VPS13B: variants seen among roughly 807,000 people sequenced by gnomAD.
VPS13B encodes intermembrane lipid transfer protein VPS13B.
A neutral mutation model predicts 426.4 loss-of-function variants in VPS13B; 285 were observed. That is an observed-to-expected ratio of 0.67 (90% CI 0.61 to 0.74). The LOEUF is 0.74. Among genes scored for constraint, VPS13B ranks in the 30% least tolerant of loss-of-function variants. The pLI, the probability that VPS13B is intolerant of heterozygous loss-of-function variation, is 0.00. For synonymous variants in VPS13B, 1,676 were observed against 1,676.4 expected (o/e 1.00, Z 0.01); for missense variants, 4,537 against 4,782.6 (o/e 0.95, Z 1.51).
intron 33 of VPS13B, chr8:99,613,968 T>G (rs1388840870): frequency 6.6e-6 from 1 of 152,174 alleles, no homozygotes; most frequent in Non-Finnish European, 1.5e-5. Flanking sequence ...CTGAACTTAG[T>G]GTAGACACCC....
intron 16 of VPS13B, among the ~76,000 whole-genome samples, chr8:99,171,344 GAT>G (rs1265402726): frequency 1.3e-5 from 2 of 151,946 alleles, no homozygotes; most frequent in African/African-American, 4.8e-5. Flanking sequence ...TTGATATGGT[GAT>G]ATCAATTTTA....
chr8:99,403,333 G>A (rs1352213907), intron 21 of VPS13B, among the ~76,000 whole-genome samples: 1 of 152,080 alleles, frequency 6.6e-6, no homozygotes, highest in Non-Finnish European at 1.5e-5. Flanking sequence ...CAGATCACCT[G>A]AGGCCAGGAG....
At chr8:99,262,286 T>A (rs1392884721) in intron 17 of VPS13B, among the ~76,000 whole-genome samples, 1 of 152,218 alleles carries the variant, frequency 6.6e-6, no homozygotes, top group Non-Finnish European at 1.5e-5. Context: ...ATATTTTGAC[T>A]TAACCCTAGA....
At chr8:99,508,601 G>A (rs151296273) in intron 28 of VPS13B, among the ~76,000 whole-genome samples, 3 of 152,172 alleles carry the variant, frequency 2.0e-5, no homozygotes, top group Admixed American at 1.3e-4. Flanking sequence ...TGTGACTTTT[G>A]TGTTGGAGGA....
chr8:99,725,152 CTACT>C (rs1209773403), intron 39 of VPS13B, among the ~76,000 whole-genome samples: 3 of 152,200 alleles, frequency 2.0e-5, no homozygotes, highest in African/African-American at 7.2e-5. Context: ...CTTCATGGTA[CTACT>C]TTTATGCTAT....
intron 23 of VPS13B, among the ~76,000 whole-genome samples, chr8:99,449,094 C>A (rs1164783572): frequency 3.3e-5 from 5 of 151,986 alleles, no homozygotes; most frequent in Middle Eastern, 3.2e-3. Context: ...GCCATTATAG[C>A]TTAGAAGAAA....
chr8:99,120,343 C>G (rs1847878999), intron 7 of VPS13B: 1 of 152,050 alleles, frequency 6.6e-6, no homozygotes, highest in South Asian at 2.1e-4. Context: ...TGAGTCACTG[C>G]TCCTGGCCCC....
intron 35 of VPS13B, among the ~76,000 whole-genome samples, chr8:99,677,242 A>G (rs1396237330): frequency 6.6e-6 from 1 of 152,224 alleles, no homozygotes; most frequent in Non-Finnish European, 1.5e-5. Flanking sequence ...GCTAAGGCCT[A>G]TACCTTAATC....
chr8:99,851,248 T>C (rs1816279456), intron 55 of VPS13B, among the ~76,000 whole-genome samples: 1 of 152,210 alleles, frequency 6.6e-6, no homozygotes, highest in Non-Finnish European at 1.5e-5. Flanking sequence ...CATTCATTCA[T>C]TCAACAAATG....
chr8:99,419,272 T>C (rs1483491583), intron 21 of VPS13B, among the ~76,000 whole-genome samples: 1 of 152,184 alleles, frequency 6.6e-6, no homozygotes, highest in East Asian at 1.9e-4. Context: ...CCCTTCACCT[T>C]CCACCATGAT....
At position 99,809,441 on chromosome 8, in the gene VPS13B, G is replaced by A. The variant is rs1813586863; in HGVS notation, c.8008G>A (p.Ala2670Thr). ...RWSEPFSVDH[A>T]GTFIRTIQYR... ...GTCAGAGCCTTTCAGTGTGGACCAT[G>A]CCGGGACTTTTATTAGAACAATTCA... Residue 2670 changes from alanine (A) to threonine (T), a missense_variant, in exon 44 of 62, where the codon GCC (alanine) becomes ACC (threonine). By Grantham distance (58) the Ala-to-Thr change is moderately conservative. Transcript: ENST00000357162. The A allele has an allele frequency of 6.2e-7, 1 of 1,614,020 alleles. No homozygotes were observed. Among genetic ancestry groups the A allele is most frequent in the Non-Finnish European group, 8.5e-7 (1 of 1,179,982 alleles).
chr8:99,358,940 T>C (rs1364767572), intron 19 of VPS13B, among the ~76,000 whole-genome samples: 1 of 152,232 alleles, frequency 6.6e-6, no homozygotes, highest in Non-Finnish European at 1.5e-5. Context: ...TTGCCTATTA[T>C]AATAATTGAT....
rs534527256 is a variant in VPS13B at position 99,546,665 on chromosome 8, T to G, written c.4746-9785T>G. Among the ~76,000 whole-genome samples, 3 of 152,164 alleles carry G rather than the reference T, an allele frequency of 2.0e-5. No individual in the cohort carries two copies. The South Asian group carries it at 6.2e-4, about 32-fold the overall frequency. On this transcript the variant is annotated intron_variant, in intron 30 of 61. Coordinates refer to ENST00000357162, the MANE Select transcript of VPS13B (RefSeq NM_152564.5). ...GGCATTATTAATATTATTACTATCA[T>G]TTATGTATTTCTGTATTTTGTATTA...
intron 2 of VPS13B, among the ~76,000 whole-genome samples, chr8:99,021,340 T>C (rs1274940656): frequency 6.6e-6 from 1 of 152,188 alleles, no homozygotes; most frequent in Non-Finnish European, 1.5e-5. Flanking sequence ...AGTCTCACTG[T>C]GGCTGGGCAC....
intron 16 of VPS13B, among the ~76,000 whole-genome samples, chr8:99,186,621 A>G (rs1384892934): frequency 6.6e-6 from 1 of 152,180 alleles, no homozygotes; most frequent in Non-Finnish European, 1.5e-5. Flanking sequence ...AAATCATTTT[A>G]AATTTATTTA....
chr8:99,290,670 G>GA (rs997486212), intron 19 of VPS13B, among the ~76,000 whole-genome samples: 1 of 148,872 alleles, frequency 6.7e-6, no homozygotes, highest in Non-Finnish European at 1.5e-5. Context: ...AAAAAAAAAA[G>GA]AAAAAAAAGG....
chr8:99,252,681 CTT>C (rs1472951152), intron 17 of VPS13B, among the ~76,000 whole-genome samples: 1 of 152,026 alleles, frequency 6.6e-6, no homozygotes, highest in Non-Finnish European at 1.5e-5. Context: ...TCTCTTTCTG[CTT>C]CACATATTTT....
chr8:99,727,713 C>T (rs963314693), intron 39 of VPS13B, among the ~76,000 whole-genome samples: 41 of 152,172 alleles, frequency 2.7e-4, no homozygotes, highest in African/African-American at 9.7e-4. Flanking sequence ...ATGGGAGTTA[C>T]AAGATGAGAT....
chr8:99,461,219 C>G (rs980804579), intron 23 of VPS13B, among the ~76,000 whole-genome samples: 3 of 151,882 alleles, frequency 2.0e-5, no homozygotes, highest in Non-Finnish European at 4.4e-5. Flanking sequence ...TTAGATTGGC[C>G]CCATTACGAG....
Sources: allele counts gnomAD v4.1 joint callset (sites outside exome capture counted in the v4.1 genomes callset), GRCh38; gene constraint gnomAD v4.1.1; transcripts MANE v1.5; gene names NCBI Gene and HGNC (gene_info 2026-07-23, HGNC 2026-07-21).